The following PDE6B variants were observed in gnomAD, a reference collection of about 807,000 sequenced individuals.
PDE6B encodes the protein rod cGMP-specific 3',5'-cyclic phosphodiesterase subunit beta.
In PDE6B, 106 loss-of-function variants were observed where a neutral mutation model predicts 109.0. That is an observed-to-expected ratio of 0.97 (90% CI 0.83 to 1.14). The LOEUF (loss-of-function observed/expected upper bound fraction) is 1.14. PDE6B is among the 50% of genes most tolerant of loss of function. The probability of loss-of-function intolerance (pLI) is 0.00; values close to 1 mark genes in which losing one functional copy is unlikely to be tolerated. For missense variants in PDE6B, 1,193 were observed against 1,155.6 expected, an observed-to-expected ratio of 1.03 and a Z score of -0.47; for synonymous variants, 490 against 471.3, an observed-to-expected ratio of 1.04 and a Z score of -0.51.
At chr4:664,345 T>C (rs1737528905) in intron 17 of PDE6B, 124 bp downstream of exon 17, 1 of 715,534 alleles carries the variant, frequency 1.4e-6, no homozygotes, top group African/African-American at 1.7e-5. Context: ...TCGCGGCAGC[T>C]TGTCGAGGGC....
chr4:665,938 G>C lies in PDE6B; in HGVS notation c.2269-593G>C, dbSNP rs909632727. 6.6e-6 allele frequency among the ~76,000 whole-genome samples: 1 copy of C among 152,188 alleles called. No individual in the cohort carries two copies. The highest frequency in any genetic ancestry group is 2.1e-4 in the South Asian group (1 of 4,832). The stretch of plus-strand genomic sequence containing the variant: ...GCAGTGGAGAGGGCTTAGGCCAGGT[G>C]CAGCCTCGGCAGGAAAGGGGGCATT... On this transcript the variant is annotated intron_variant, in intron 19 of 21. Coordinates refer to ENST00000496514, the MANE Select transcript of PDE6B (RefSeq NM_000283.4). This position sits in a 1 kb window ranked among gnomAD's most constrained non-coding sequence, Gnocchi z 4.0.
In PDE6B at chr4:625,649, C is replaced by T. The variant is rs762518208; in HGVS notation, c.23C>T (p.Ala8Val). MSLSEEQ[A>V]RSFLDQNPDF... The stretch of plus-strand genomic sequence containing the variant: ...ACCATGAGCCTCAGTGAGGAGCAGG[C>T]CCGGAGCTTTCTGGACCAGAACCCC... The change falls in exon 1 of 22, where the codon GCC becomes GTC. Residue 8 changes from alanine to valine, a missense_variant. Coordinates refer to ENST00000496514, the MANE Select transcript of PDE6B (RefSeq NM_000283.4). The surrounding 1 kb of genome is among the most constrained non-coding windows in gnomAD (Gnocchi z 5.0). 2.6e-5 allele frequency: 42 copies of T among 1,613,380 alleles called. No individual in the cohort carries two copies. The highest frequency in any genetic ancestry group is 3.4e-5 in the Non-Finnish European group (40 of 1,179,514).
Position 634,802 on chromosome 4 carries a change from C to G in PDE6B, c.594C>G (p.Gly198=), listed in dbSNP as rs201222077. ...AVIMAVNKLN[G]PFFTSEDEDV... is the part of the protein sequence containing the mutation. ...TCATGGCAGTGAACAAGCTCAACGG[C>G]CCATTCTTCACCAGCGAAGACGAAG... Residue 198 remains glycine, a synonymous_variant, in exon 2 of 22, where the codon GGC becomes GGG. Transcript: ENST00000496514. 1 of 1,614,004 alleles carries G rather than the reference C, an allele frequency of 6.2e-7. No homozygotes were observed. Among genetic ancestry groups the G allele is most frequent in the Non-Finnish European group, 8.5e-7 (1 of 1,179,866 alleles).
Position 653,947 on chromosome 4 carries a change from C to T in PDE6B, c.807C>T (p.Asn269=), listed in dbSNP as rs770792606. Residue 269 remains asparagine, a synonymous_variant, in exon 4 of 22, where the codon AAC becomes AAT. Coordinates refer to ENST00000496514, the MANE Select transcript of PDE6B (RefSeq NM_000283.4). ...TCTACACGGTGCGGGCCTACCTCAA[C>T]TGCGAGCGGTACTCCGTGGGCCTCC... The part of the protein sequence containing the change: ...KAFYTVRAYL[N]CERYSVGLLD... 37 of 1,613,804 alleles carry T rather than the reference C, an allele frequency of 2.3e-5. No homozygotes were observed. Among genetic ancestry groups the T allele is most frequent in the African/African-American group, 4.0e-5 (3 of 74,936 alleles).
chr4:626,310 C>T lies in PDE6B; in HGVS notation c.468+216C>T, dbSNP rs935734986. On this transcript the variant is annotated intron_variant, in intron 1 of 21. Coordinates refer to ENST00000496514, the MANE Select transcript of PDE6B (RefSeq NM_000283.4). The surrounding 1 kb of genome is among the most constrained non-coding windows in gnomAD (Gnocchi z 4.6). ...CTCGGCTTCTGGCTCAAGCTGACAT[C>T]GCATGGCCACTGAGTTGGTTAGACC... 6.6e-6 allele frequency among the ~76,000 whole-genome samples: 1 copy of T among 152,232 alleles called. No homozygotes were observed. Among genetic ancestry groups the T allele is most frequent in the Admixed American group, 6.5e-5 (1 of 15,288 alleles).
Position 654,462 on chromosome 4 carries a change from C to T in PDE6B, c.927+308C>T, listed in dbSNP as rs529313154. On this transcript the variant is annotated intron_variant, in intron 5 of 21. Coordinates refer to ENST00000496514, the MANE Select transcript of PDE6B (RefSeq NM_000283.4). ...GGACCTCCTGTGCACGTGTAGGATG[C>T]GTGTGTGTGTGTGTGTGTGAGAGTA... 86 of 573,252 alleles carry T rather than the reference C, an allele frequency of 1.5e-4. No homozygotes were observed. In the East Asian group the frequency reaches 1.6e-3, roughly 10 times the overall value. 35.5% of individuals were successfully genotyped at this position (573,252 alleles called of 1,614,324 possible).
chr4:669,984 G>T, intron 21 of PDE6B, 62 bp from the exon 22 acceptor site: 1 of 1,373,382 alleles, frequency 7.3e-7, no homozygotes, highest in Non-Finnish European at 1.0e-6. Flanking sequence ...CAGGCAGGAG[G>T]GAAGGAATAG....
intron 3 of PDE6B, among the ~76,000 whole-genome samples, chr4:640,541 G>A (rs35732782): frequency 0.029 from 4,403 of 149,566 alleles, 64 homozygotes; most frequent in Middle Eastern, 0.042. Flanking sequence ...TCCATCTTGG[G>A]AAAAAAAAAA....
At chr4:659,872 G>A (rs1385542983) in intron 11 of PDE6B, among the ~76,000 whole-genome samples, 1 of 152,238 alleles carries the variant, frequency 6.6e-6, no homozygotes, top group African/African-American at 2.4e-5. Context: ...CCATCACCCT[G>A]TGTCTGCCTA....
In PDE6B at chr4:663,339, G is replaced by A; in HGVS notation, c.1920+152G>A. 7.4e-6 allele frequency: 5 copies of A among 672,224 alleles called. No homozygotes were observed. The Admixed American group carries it at 1.1e-4, about 15-fold the overall frequency. The allele number at this position is 672,224 out of a possible 1,614,324, so 41.6% of individuals were successfully genotyped here. A position where few individuals can be genotyped will look rare whatever the true frequency, so the allele number is the denominator to read the frequency against. ...GGGAGGGCGGCAGAGAAGGCGGAGG[G>A]CCGAGGCTGAGGGCAGGTGCATCGG... is the stretch of plus-strand genomic sequence containing the variant. On this transcript the variant is annotated intron_variant, in intron 15 of 21. Coordinates refer to ENST00000496514, the MANE Select transcript of PDE6B (RefSeq NM_000283.4). The surrounding 1 kb of genome is among the most constrained non-coding windows in gnomAD (Gnocchi z 4.0).
intron 5 of PDE6B, 108 bp from the exon 6 acceptor site, chr4:654,716 G>T (rs1208645638): frequency 2.5e-6 from 2 of 788,572 alleles, no homozygotes; most frequent in African/African-American, 3.4e-5. Flanking sequence ...CGTGTGTGGG[G>T]GTGTGCATGC....
Position 663,983 on chromosome 4 carries a change from G to C in PDE6B, c.2021+113G>C. 9.1e-7 allele frequency: 1 copy of C among 1,101,306 alleles called. No homozygotes were observed. Among genetic ancestry groups the C allele is most frequent in the Non-Finnish European group, 1.4e-6 (1 of 732,148 alleles). 68.2% of individuals were successfully genotyped at this position (1,101,306 alleles called of 1,614,324 possible). Reference sequence around the variant, plus strand: ...CCCGGGGGACGCAGCCCCGGATTCCGTCCCTGCCCGCCGGCCCCGCGCACC... The same window carrying C: ...CCCGGGGGACGCAGCCCCGGATTCCCTCCCTGCCCGCCGGCCCCGCGCACC... On this transcript the variant is annotated intron_variant, in intron 16 of 21. Coordinates refer to ENST00000496514, the MANE Select transcript of PDE6B (RefSeq NM_000283.4). This position sits in a 1 kb window ranked among gnomAD's most constrained non-coding sequence, Gnocchi z 4.0.
At position 665,117 on chromosome 4, in the gene PDE6B, C is replaced by A; in HGVS notation, c.2194-138C>A. ...GGGGTACTGCAGTGTGTCTACATGG[C>A]TCAACCGGAGCCCTGTGTGGTGGGG... On this transcript the variant is annotated intron_variant, in intron 18 of 21. Coordinates refer to ENST00000496514, the MANE Select transcript of PDE6B (RefSeq NM_000283.4). This position sits in a 1 kb window ranked among gnomAD's most constrained non-coding sequence, Gnocchi z 4.0. 1.2e-6 allele frequency: 1 copy of A among 820,144 alleles called. No individual in the cohort carries two copies. Among genetic ancestry groups the A allele is most frequent in the Non-Finnish European group, 2.1e-6 (1 of 477,250 alleles). 50.8% of individuals were successfully genotyped at this position (820,144 alleles called of 1,614,324 possible). A position where few individuals can be genotyped will look rare whatever the true frequency, so the allele number is the denominator to read the frequency against.
In PDE6B at chr4:656,428, C is replaced by A. The variant is rs562829960; in HGVS notation, c.1107+136C>A. 2.0e-5 allele frequency: 15 copies of A among 737,772 alleles called. No homozygotes were observed. The African/African-American group carries it at 2.1e-4, about 10-fold the overall frequency. 45.7% of individuals were successfully genotyped at this position (737,772 alleles called of 1,614,324 possible). ...GGCATGGTGGCTCACGCCTGTAATC[C>A]CAGCACTTTGGGAGGCTGAGGCGGG... is the stretch of plus-strand genomic sequence containing the variant. On this transcript the variant is annotated intron_variant, in intron 8 of 21. Coordinates refer to ENST00000496514, the MANE Select transcript of PDE6B (RefSeq NM_000283.4).
intron 2 of PDE6B, among the ~76,000 whole-genome samples, chr4:635,303 GCC>G (rs1734613195): frequency 7.2e-6 from 1 of 139,380 alleles, no homozygotes; most frequent in Non-Finnish European, 1.5e-5. Context: ...CTCCCTGCCC[GCC>G]TGCCCGCGTG....
intron 11 of PDE6B, among the ~76,000 whole-genome samples, chr4:659,623 TGTGC>T (rs1736809941): frequency 1.4e-5 from 2 of 148,074 alleles, no homozygotes; most frequent in African/African-American, 2.5e-5. Context: ...ATTGTATGAA[TGTGC>T]ACATGTGTAC....
intron 1 of PDE6B, among the ~76,000 whole-genome samples, chr4:627,566 A>G (rs976233366): frequency 1.3e-5 from 2 of 152,106 alleles, no homozygotes; most frequent in African/African-American, 4.8e-5. Context: ...GCACCCACAA[A>G]TCAATCGTGC....
intron 3 of PDE6B, among the ~76,000 whole-genome samples, chr4:638,956 C>G (rs1734819151): frequency 6.6e-6 from 1 of 152,174 alleles, no homozygotes; most frequent in Non-Finnish European, 1.5e-5. Context: ...CGCTCTGGCA[C>G]AGGGAGCCCA....
intron 11 of PDE6B, 36 bp downstream of exon 11, chr4:659,053 G>C: frequency 6.7e-7 from 1 of 1,490,128 alleles, no homozygotes; most frequent in South Asian, 1.1e-5. Context: ...CATGGAGGCC[G>C]GCCACGTGTG....
Sources: allele counts gnomAD v4.1 joint callset (sites outside exome capture counted in the v4.1 genomes callset), GRCh38; gene constraint gnomAD v4.1.1; non-coding constraint Gnocchi (gnomAD v3.1); transcripts MANE v1.5; gene names NCBI Gene and HGNC (gene_info 2026-07-23, HGNC 2026-07-21).